CSMD1: variants seen among roughly 807,000 people sequenced by gnomAD.
CSMD1 encodes CUB and Sushi multiple domains 1, also known as CUB and sushi domain-containing protein 1.
CSMD1 carries 213 observed loss-of-function variants against 417.5 expected under a neutral mutation model. The observed-to-expected ratio is 0.51, with a 90% CI of 0.46 to 0.57. CSMD1 has a LOEUF of 0.57. Ranked by LOEUF, CSMD1 falls within the 20% of genes least tolerant of loss-of-function variation. The probability of loss-of-function intolerance (pLI) is 0.00; values close to 1 mark genes in which losing one functional copy is unlikely to be tolerated. For missense variants in CSMD1, 6,923 were observed against 4,529.7 expected (o/e 1.53, Z -15.17); for synonymous variants, 2,862 against 1,736.8 (o/e 1.65, Z -16.11).
intron 5 of CSMD1, among the ~76,000 whole-genome samples, chr8:3,761,453 G>T (rs1447645335): frequency 6.7e-6 from 1 of 148,268 alleles, no homozygotes; most frequent in Admixed American, 6.8e-5. Flanking sequence ...ATTTAAAACT[G>T]TACCACAGAA....
chr8:4,146,426 T>G (rs1485516948), intron 3 of CSMD1, among the ~76,000 whole-genome samples: 3 of 150,304 alleles, frequency 2.0e-5, no homozygotes, highest in Non-Finnish European at 4.4e-5. Context: ...CAAAGACGTG[T>G]ACCCAGGATG....
intron 3 of CSMD1, among the ~76,000 whole-genome samples, chr8:4,321,266 C>T (rs1019982849): frequency 2.0e-5 from 3 of 152,118 alleles, no homozygotes; most frequent in Non-Finnish European, 2.9e-5. Flanking sequence ...ACTGATCATC[C>T]TCGGTGTGTT....
Position 3,725,788 on chromosome 8 carries a change from T to C in CSMD1, c.932-17297A>G, listed in dbSNP as rs182180175. 1.9e-3 allele frequency among the ~76,000 whole-genome samples: 285 copies of C among 152,254 alleles called. 1 individual carries two copies. The highest frequency in any genetic ancestry group is 5.9e-3 in the African/African-American group (246 of 41,548). ...AGGACTTGGGAACACGTGAAAACCA[T>C]TGATCTAGGAATCTTTCAAGGACTG... On this transcript the variant is annotated intron_variant, in intron 6 of 69. Transcript: ENST00000635120.
At position 3,942,348 on chromosome 8, in the gene CSMD1, G is replaced by A. The variant is rs144990642; in HGVS notation, c.818+55555C>T. On this transcript the variant is annotated intron_variant, in intron 5 of 69. Coordinates refer to ENST00000635120, the MANE Select transcript of CSMD1 (RefSeq NM_033225.6). ...GTCTTCCAAGAAACTGGTGTCAGGC[G>A]CCAAAATGGTAGAGGACGGCTACCT... Among the ~76,000 whole-genome samples the A allele has an allele frequency of 9.1e-4, 139 of 152,150 alleles. 1 individual carries two copies. In the Middle Eastern group the frequency reaches 0.014, roughly 15 times the overall value.
At chr8:4,106,189 C>T (rs536882878) in intron 3 of CSMD1, among the ~76,000 whole-genome samples, 3 of 152,136 alleles carry the variant, frequency 2.0e-5, no homozygotes, top group East Asian at 1.9e-4. Context: ...GATGGACACC[C>T]GGAGATCTAT....
At chr8:4,684,877 A>G (rs1326491412) in intron 1 of CSMD1, among the ~76,000 whole-genome samples, 1 of 152,202 alleles carries the variant, frequency 6.6e-6, no homozygotes, top group Non-Finnish European at 1.5e-5. Context: ...TTCTTCTTCT[A>G]CTAATCAATC....
chr8:4,434,807 C>T (rs894038464), intron 2 of CSMD1, among the ~76,000 whole-genome samples: 3 of 152,136 alleles, frequency 2.0e-5, no homozygotes, highest in East Asian at 1.9e-4. Flanking sequence ...GCCCATGAAG[C>T]CCTACTTCAC....
In CSMD1 at chr8:3,716,759, G is replaced by A. The variant is rs146831662; in HGVS notation, c.932-8268C>T. ...AAGATGGAGTTGCTCTGGTTCAAACGCCTCTTGACAATATGGTTCAACTTT... is the reference window on the plus strand; with the variant it reads ...AAGATGGAGTTGCTCTGGTTCAAACACCTCTTGACAATATGGTTCAACTTT... On this transcript the variant is annotated intron_variant, in intron 6 of 69. Transcript: ENST00000635120. Among the ~76,000 whole-genome samples the A allele has an allele frequency of 2.9e-3, 439 of 152,220 alleles. 10 individuals carry two copies. Among genetic ancestry groups the A allele is most frequent in the Admixed American group, 0.022 (333 of 15,298 alleles).
chr8:4,174,390 T>A (rs1479502776), intron 3 of CSMD1, among the ~76,000 whole-genome samples: 1 of 152,022 alleles, frequency 6.6e-6, no homozygotes, highest in Admixed American at 6.6e-5. Context: ...AAGGCCTAAT[T>A]CCTTTAAATT....
At chr8:3,446,198 A>G (rs1024977903) in intron 12 of CSMD1, among the ~76,000 whole-genome samples, 1 of 152,210 alleles carries the variant, frequency 6.6e-6, no homozygotes, top group African/African-American at 2.4e-5. Flanking sequence ...GGAGAAAAAA[A>G]TCGTGAATGC....
chr8:3,969,386 T>C (rs1401588968), intron 5 of CSMD1, among the ~76,000 whole-genome samples: 4 of 152,112 alleles, frequency 2.6e-5, no homozygotes, highest in Non-Finnish European at 5.9e-5. Context: ...AAAACATTGC[T>C]CCAATCTCTC....
intron 2 of CSMD1, among the ~76,000 whole-genome samples, chr8:4,463,166 G>T (rs1469852818): frequency 6.6e-6 from 1 of 152,062 alleles, no homozygotes; most frequent in Non-Finnish European, 1.5e-5. Flanking sequence ...TACACAAATG[G>T]CCAAGAAGCC....
At chr8:3,973,438 A>C (rs1371850349) in intron 5 of CSMD1, among the ~76,000 whole-genome samples, 1 of 152,210 alleles carries the variant, frequency 6.6e-6, no homozygotes, top group East Asian at 1.9e-4. Flanking sequence ...AAATTATAAA[A>C]ATTTTTTGAA....
At chr8:3,677,338 A>T (rs559643531) in intron 7 of CSMD1, among the ~76,000 whole-genome samples, 1 of 152,194 alleles carries the variant, frequency 6.6e-6, no homozygotes, top group Non-Finnish European at 1.5e-5. Context: ...TATACCTTTT[A>T]AAAGTAATTC....
chr8:4,253,626 G>A (rs547511157), intron 3 of CSMD1, among the ~76,000 whole-genome samples: 9 of 152,098 alleles, frequency 5.9e-5, no homozygotes, highest in Non-Finnish European at 1.3e-4. Context: ...AAAGACTGGA[G>A]GGAAGGGGCC....
intron 18 of CSMD1, among the ~76,000 whole-genome samples, chr8:3,386,963 C>G (rs1174959039): frequency 6.6e-6 from 1 of 152,048 alleles, no homozygotes; most frequent in African/African-American, 2.4e-5. Flanking sequence ...CTTGAGATTC[C>G]CAAGAGAAGA....
chr8:4,302,656 G>T lies in CSMD1; in HGVS notation c.415+117297C>A, dbSNP rs181118059. 3.6e-3 allele frequency among the ~76,000 whole-genome samples: 555 copies of T among 152,290 alleles called. 4 individuals are homozygous for T. Among genetic ancestry groups the T allele is most frequent in the South Asian group, 0.021 (102 of 4,828 alleles). ...GACACAAAGGTCAAAACTAATAGCT[G>T]ATTAATGTTCAAAAGCATTCATCTC... On this transcript the variant is annotated intron_variant, in intron 3 of 69. Coordinates refer to ENST00000635120, the MANE Select transcript of CSMD1 (RefSeq NM_033225.6).
chr8:4,258,361 G>GAGT (rs1563348018), intron 3 of CSMD1, among the ~76,000 whole-genome samples: 1 of 32,106 alleles, frequency 3.1e-5, no homozygotes. Context: ...AAGAGAAGGA[G>GAGT]GGAAGGAGGG....
intron 2 of CSMD1, among the ~76,000 whole-genome samples, chr8:4,596,913 G>C (rs1800311129): frequency 6.6e-6 from 1 of 152,094 alleles, no homozygotes; most frequent in Non-Finnish European, 1.5e-5. Context: ...AGATCTGATG[G>C]GTTTATCAGG....
Sources: gnomAD v4.1 joint callset for allele counts (sites outside exome capture counted in the v4.1 genomes callset) on GRCh38, gnomAD v4.1.1 for gene constraint, MANE v1.5 for transcripts, NCBI Gene and HGNC (gene_info 2026-07-23, HGNC 2026-07-21) for gene names.